Variants in GALNTL6 observed in about 807,000 individuals in gnomAD.
GALNTL6 encodes the protein polypeptide N-acetylgalactosaminyltransferase-like 6.
A neutral mutation model predicts 73.7 loss-of-function variants in GALNTL6; 46 were observed. The observed-to-expected ratio is 0.62, with a 90% confidence interval of 0.49 to 0.80. GALNTL6 has a LOEUF of 0.80. GALNTL6 is among the 30% of genes least tolerant of loss of function. The pLI, the probability that GALNTL6 is intolerant of heterozygous loss-of-function variation, is 0.00. For missense variants in GALNTL6, 604 were observed against 755.0 expected, an observed-to-expected ratio of 0.80 and a Z score of 2.34; for synonymous variants, 259 against 263.7, an observed-to-expected ratio of 0.98 and a Z score of 0.17.
At chr4:172,547,951 A>G (rs1457159127) in intron 5 of GALNTL6, among the ~76,000 whole-genome samples, 2 of 152,164 alleles carry the variant, frequency 1.3e-5, no homozygotes, top group Non-Finnish European at 2.9e-5. Context: ...CAAGCTGTAC[A>G]GTTTAACAAC....
chr4:172,417,640 C>A (rs2111354995), intron 5 of GALNTL6, among the ~76,000 whole-genome samples: 1 of 151,888 alleles, frequency 6.6e-6, no homozygotes, highest in African/African-American at 2.4e-5. Flanking sequence ...CAGAGTGAGA[C>A]CCTGTCTCAA....
At chr4:172,534,541 T>A (rs1735277770) in intron 5 of GALNTL6, among the ~76,000 whole-genome samples, 1 of 152,060 alleles carries the variant, frequency 6.6e-6, no homozygotes, top group South Asian at 2.1e-4. Flanking sequence ...TCATTTGAGA[T>A]GAAATATGTA....
At chr4:172,763,417 A>G (rs1347418562) in intron 5 of GALNTL6, among the ~76,000 whole-genome samples, 1 of 152,238 alleles carries the variant, frequency 6.6e-6, no homozygotes, top group African/African-American at 2.4e-5. Context: ...TCTTTTTAAC[A>G]GTTAGATGCC....
intron 5 of GALNTL6, among the ~76,000 whole-genome samples, chr4:172,468,657 T>C (rs1295701685): frequency 6.6e-6 from 1 of 152,204 alleles, no homozygotes; most frequent in Non-Finnish European, 1.5e-5. Context: ...TTGAGAACAC[T>C]GTAATGCCCA....
Position 173,009,183 on chromosome 4 carries a change from A to G in GALNTL6, c.1377A>G (p.Arg459=). ...ATTCTTTCTTCTTTCCACAGATCCG[A>G]AATGTGGCAGCAAATCTCTGTGTGG... ...EPPPAAWGEI[R]NVAANLCVDS... The change falls in exon 11 of 13, where the codon CGA becomes CGG. Residue 459 remains arginine (R), a synonymous_variant. Coordinates refer to ENST00000506823, the MANE Select transcript of GALNTL6 (RefSeq NM_001034845.3). The G allele has an allele frequency of 1.9e-6, 3 of 1,612,630 alleles. No individual in the cohort carries two copies. Among genetic ancestry groups the G allele is most frequent in the South Asian group, 2.2e-5 (2 of 91,050 alleles).
intron 2 of GALNTL6, among the ~76,000 whole-genome samples, chr4:171,911,907 A>AT (rs1737486144): frequency 6.6e-6 from 1 of 152,186 alleles, no homozygotes; most frequent in Non-Finnish European, 1.5e-5. Context: ...ACATCCATAC[A>AT]TTTTTAATTA....
intron 2 of GALNTL6, among the ~76,000 whole-genome samples, chr4:171,951,894 C>G (rs926867274): frequency 9.2e-5 from 14 of 151,862 alleles, no homozygotes; most frequent in Admixed American, 2.0e-4. Flanking sequence ...TGAACTCTTA[C>G]AGAAATAAGT....
At chr4:172,683,153 C>G (rs1732723340) in intron 5 of GALNTL6, among the ~76,000 whole-genome samples, 1 of 152,056 alleles carries the variant, frequency 6.6e-6, no homozygotes, top group African/African-American at 2.4e-5. Context: ...GAGACTAATC[C>G]ACAGCAAAAC....
intron 5 of GALNTL6, among the ~76,000 whole-genome samples, chr4:172,495,250 C>T (rs1204199439): frequency 6.6e-6 from 1 of 152,084 alleles, no homozygotes; most frequent in Non-Finnish European, 1.5e-5. Context: ...TATGACAAAG[C>T]AAGAAGAAAA....
chr4:172,912,872 C>T (rs1204158694), intron 8 of GALNTL6, among the ~76,000 whole-genome samples: 2 of 152,206 alleles, frequency 1.3e-5, no homozygotes, highest in Non-Finnish European at 2.9e-5. Flanking sequence ...AGCAGTGGTT[C>T]TCCCAGCATG....
intron 2 of GALNTL6, among the ~76,000 whole-genome samples, chr4:172,177,388 C>T (rs910168120): frequency 6.6e-6 from 1 of 152,002 alleles, no homozygotes; most frequent in Non-Finnish European, 1.5e-5. Context: ...ATAGGTATTA[C>T]CTCCAGATAG....
intron 8 of GALNTL6, among the ~76,000 whole-genome samples, chr4:172,901,309 TTC>T (rs1217277077): frequency 6.6e-6 from 1 of 152,194 alleles, no homozygotes; most frequent in African/African-American, 2.4e-5. Flanking sequence ...AAGAAGAATT[TTC>T]TGTGTGTAAA....
chr4:172,336,524 CT>C (rs1741333007), intron 4 of GALNTL6, among the ~76,000 whole-genome samples: 1 of 151,666 alleles, frequency 6.6e-6, no homozygotes, highest in Admixed American at 6.6e-5. Context: ...ATCCGCCCAC[CT>C]CGGCCTCCCA....
At chr4:172,814,386 A>G (rs1400348301) in intron 7 of GALNTL6, among the ~76,000 whole-genome samples, 2 of 152,208 alleles carry the variant, frequency 1.3e-5, no homozygotes, top group Non-Finnish European at 2.9e-5. Context: ...ATGCATTTAA[A>G]GAAAAAGAAA....
intron 9 of GALNTL6, among the ~76,000 whole-genome samples, chr4:172,937,077 T>C (rs1385123569): frequency 6.6e-6 from 1 of 151,796 alleles, no homozygotes; most frequent in South Asian, 2.1e-4. Context: ...ACGGAGGGTG[T>C]GCGTAGGACC....
intron 2 of GALNTL6, among the ~76,000 whole-genome samples, chr4:171,991,592 A>G (rs1318509877): frequency 6.6e-6 from 1 of 151,824 alleles, no homozygotes; most frequent in Non-Finnish European, 1.5e-5. Flanking sequence ...TCAGTGGATT[A>G]TCACTTCAAA....
At position 172,931,235 on chromosome 4, in the gene GALNTL6, A is replaced by G; in HGVS notation, c.1116A>G (p.Pro372=). ...RVGHIYRKYV[P]YKVPSGTSLA... ...GTCATATCTACAGGAAGTACGTTCC[A>G]TACAAAGTTCCATCTGGGACAAGCC... is the stretch of plus-strand genomic sequence containing the variant. Residue 372 remains proline, a synonymous_variant, in exon 9 of 13, where the codon CCA becomes CCG. Transcript: ENST00000506823. 2 of 1,610,988 alleles carry G rather than the reference A, an allele frequency of 1.2e-6. No individual in the cohort carries two copies. Among genetic ancestry groups the G allele is most frequent in the Non-Finnish European group, 1.7e-6 (2 of 1,177,130 alleles).
At chr4:171,852,991 C>G (rs994888940) in intron 2 of GALNTL6, among the ~76,000 whole-genome samples, 1 of 149,292 alleles carries the variant, frequency 6.7e-6, no homozygotes, top group Non-Finnish European at 1.5e-5. Context: ...GGACTACAGG[C>G]GCCGCCACCA....
chr4:172,207,698 C>G (rs1027999330), intron 2 of GALNTL6, among the ~76,000 whole-genome samples: 1 of 152,072 alleles, frequency 6.6e-6, no homozygotes, highest in African/African-American at 2.4e-5. Context: ...AGCTATGTGA[C>G]CTTCAGTACT....
Sources: allele counts gnomAD v4.1 joint callset (sites outside exome capture counted in the v4.1 genomes callset), GRCh38; gene constraint gnomAD v4.1.1; transcripts MANE v1.5; gene names NCBI Gene and HGNC (gene_info 2026-07-23, HGNC 2026-07-21).